The following IQSEC1 variants were observed in gnomAD, a reference collection of about 807,000 sequenced individuals.
The protein encoded by IQSEC1 is IQ motif and Sec7 domain ArfGEF 1.
In IQSEC1, 31 loss-of-function variants were observed where a neutral mutation model predicts 91.0. The observed-to-expected ratio is 0.34, with a 90% CI of 0.26 to 0.46. The LOEUF (loss-of-function observed/expected upper bound fraction) is 0.46. Among genes scored for constraint, IQSEC1 ranks in the 20% least tolerant of loss-of-function variants. IQSEC1 has a pLI of 1.00. For synonymous variants in IQSEC1, 699 were observed against 662.6 expected, an observed-to-expected ratio of 1.05 and a Z score of -0.84; for missense variants, 1,388 against 1,575.6, an observed-to-expected ratio of 0.88 and a Z score of 2.02.
In IQSEC1 at chr3:13,211,082, G is replaced by A. The variant is rs1694435660; in HGVS notation, c.273-46949C>T. Among the ~76,000 whole-genome samples the A allele has an allele frequency of 6.6e-6, 1 of 152,236 alleles. No homozygotes were observed. Among genetic ancestry groups the A allele is most frequent in the Non-Finnish European group, 1.5e-5 (1 of 68,044 alleles). On this transcript the variant is annotated intron_variant, in intron 1 of 15. Coordinates refer to the IQSEC1 transcript ENST00000648114. The surrounding 1 kb of genome is among the most constrained non-coding windows in gnomAD (Gnocchi z 5.3). ...CCTGATGCATCCTCTGGCTAGCAGT[G>A]CCTGACACACAGTAGGTGTGCAGTA... is the stretch of plus-strand genomic sequence containing the variant.
intron 1 of IQSEC1, among the ~76,000 whole-genome samples, chr3:13,196,056 A>G (rs1694119610): frequency 6.6e-6 from 1 of 152,200 alleles, no homozygotes; most frequent in African/African-American, 2.4e-5. Flanking sequence ...TTTACAAAAG[A>G]GGCAATACAG....
chr3:12,995,546 C>A (rs1411402936), intron 1 of IQSEC1, among the ~76,000 whole-genome samples: 1 of 152,242 alleles, frequency 6.6e-6, no homozygotes, highest in African/African-American at 2.4e-5. Flanking sequence ...TGCCCACATT[C>A]ACACAGCAGC....
intron 1 of IQSEC1, chr3:13,022,179 GA>G: frequency 8.1e-7 from 1 of 1,231,484 alleles, no homozygotes; most frequent in South Asian, 4.1e-5. Context: ...CCTGGCCAGG[GA>G]ACGGCTCTCT....
At chr3:12,944,171 T>C (rs1699009464) in intron 1 of IQSEC1, among the ~76,000 whole-genome samples, 1 of 152,142 alleles carries the variant, frequency 6.6e-6, no homozygotes, top group Non-Finnish European at 1.5e-5. Flanking sequence ...CCCTTCGAGA[T>C]TCTCCACATC....
At chr3:13,274,005 GA>G (rs1038415102) in intron 1 of IQSEC1, among the ~76,000 whole-genome samples, 1 of 152,234 alleles carries the variant, frequency 6.6e-6, no homozygotes, top group Non-Finnish European at 1.5e-5. Flanking sequence ...TAGCAGAGAT[GA>G]AAAATCTGAG....
At chr3:13,090,938 C>A (rs1301428620) in intron 2 of IQSEC1, among the ~76,000 whole-genome samples, 2 of 152,186 alleles carry the variant, frequency 1.3e-5, no homozygotes, top group African/African-American at 4.8e-5. Context: ...TGAACCCCAG[C>A]CGCGGGGACA....
At chr3:13,220,861 G>A (rs2125074474) in intron 1 of IQSEC1, among the ~76,000 whole-genome samples, 1 of 152,332 alleles carries the variant, frequency 6.6e-6, no homozygotes, top group Middle Eastern at 3.4e-3. Context: ...GATCTGCGTG[G>A]ATGGGTTTTG....
chr3:13,069,350 A>C (rs1705339484), intron 1 of IQSEC1, among the ~76,000 whole-genome samples: 2 of 151,950 alleles, frequency 1.3e-5, no homozygotes, highest in South Asian at 2.1e-4. Context: ...GACCCAGCCA[A>C]GGTGATAATG....
intron 1 of IQSEC1, among the ~76,000 whole-genome samples, chr3:13,168,438 C>T (rs529264059): frequency 5.9e-5 from 9 of 152,248 alleles, no homozygotes; most frequent in African/African-American, 1.9e-4. Context: ...TCACTTAACA[C>T]GGATCATAAG....
In IQSEC1 at chr3:12,899,324, C is replaced by G; in HGVS notation, c.*1659G>C. 6.4e-7 allele frequency: 1 copy of G among 1,571,376 alleles called. No homozygotes were observed. Among genetic ancestry groups the G allele is most frequent in the East Asian group, 2.3e-5 (1 of 43,830 alleles). ...CGCGGCCCGCAGAGTCAGGCGTGAG[C>G]TTCGCCCTTTCTGAAAGGGCCTCCG... On this transcript the variant is annotated 3_prime_UTR_variant, in exon 14 of 14. Transcript: ENST00000613206.
intron 1 of IQSEC1, among the ~76,000 whole-genome samples, chr3:13,191,250 G>A (rs934899770): frequency 6.6e-6 from 1 of 152,204 alleles, no homozygotes; most frequent in African/African-American, 2.4e-5. Context: ...CATCCTCGCT[G>A]GGCTGTCCGC....
chr3:13,085,584 C>T (rs1705722560), intron 2 of IQSEC1, among the ~76,000 whole-genome samples: 2 of 152,208 alleles, frequency 1.3e-5, no homozygotes, highest in Non-Finnish European at 2.9e-5. Context: ...CCAGGTGGGT[C>T]CTTGCTGGAG....
chr3:13,031,978 A>G (rs1313705650), intron 1 of IQSEC1, among the ~76,000 whole-genome samples: 1 of 152,146 alleles, frequency 6.6e-6, no homozygotes, highest in Non-Finnish European at 1.5e-5. Context: ...GCGGACCCAC[A>G]GAAAAGTTGT....
chr3:13,277,303 G>A (rs551868933), intron 1 of IQSEC1, among the ~76,000 whole-genome samples: 1 of 152,158 alleles, frequency 6.6e-6, no homozygotes, highest in South Asian at 2.1e-4. Flanking sequence ...GCACAGCAAA[G>A]CCTCCTGATC....
rs138821329 is a variant in IQSEC1, at chr3:12,924,630, C to T, written c.1681G>A (p.Gly561Ser). The change falls in exon 4 of 14, where the codon GGC becomes AGC. Residue 561 changes from glycine (G) to serine (S), a missense_variant. Physicochemically the swap from Gly to Ser is moderately conservative, Grantham distance 56. This residue lies in a region of IQSEC1 where 1,059 missense variants were observed against 1,317.8 expected (regional missense o/e 0.80). Transcript: ENST00000613206. This position sits in a 1 kb window ranked among gnomAD's most constrained non-coding sequence, Gnocchi z 6.3. ...TTCTGCCGGTTGCCCAGGAACTCGCCGATCATCTGCCGGCTGAGGCCCTTG... is the reference window on the plus strand; with the variant it reads ...TTCTGCCGGTTGCCCAGGAACTCGCTGATCATCTGCCGGCTGAGGCCCTTG... ...QRKGLSRQMI[G>S]EFLGNRQKQF... 11 of 1,610,956 alleles carry T rather than the reference C, an allele frequency of 6.8e-6. No individual in the cohort carries two copies. In the African/African-American group the frequency reaches 8.0e-5, roughly 12 times the overall value.
At chr3:13,234,203 T>C (rs188111927) in intron 1 of IQSEC1, among the ~76,000 whole-genome samples, 607 of 151,170 alleles carry the variant, frequency 4.0e-3, no homozygotes, top group Non-Finnish European at 6.5e-3. Context: ...TGTCTGTGTG[T>C]GCCTGTGGGT....
At chr3:13,224,158 G>A (rs1694711302) in intron 1 of IQSEC1, among the ~76,000 whole-genome samples, 1 of 152,242 alleles carries the variant, frequency 6.6e-6, no homozygotes, top group South Asian at 2.1e-4. Context: ...CCGGTGCAGA[G>A]CGAGAGCCTA....
chr3:13,104,638 T>G (rs1256564014), intron 2 of IQSEC1, among the ~76,000 whole-genome samples: 1 of 151,902 alleles, frequency 6.6e-6, no homozygotes, highest in African/African-American at 2.4e-5. Context: ...CTCCCCCACC[T>G]CTCCCCCTCC....
At chr3:13,108,041 GAA>G (rs11331375) in intron 2 of IQSEC1, among the ~76,000 whole-genome samples, 2 of 152,106 alleles carry the variant, frequency 1.3e-5, no homozygotes, top group Non-Finnish European at 1.5e-5. Flanking sequence ...AAGCATAAAG[GAA>G]AAAAAAGAAT....
Sources: allele counts gnomAD v4.1 joint callset (sites outside exome capture counted in the v4.1 genomes callset), GRCh38; gene constraint gnomAD v4.1.1; regional missense constraint gnomAD v4.1.1; non-coding constraint Gnocchi (gnomAD v3.1); transcripts MANE v1.5; gene names NCBI Gene and HGNC (gene_info 2026-07-23, HGNC 2026-07-21).